The following MYRIP variants were observed in gnomAD, a reference collection of about 807,000 sequenced individuals.
MYRIP encodes rab effector MyRIP.
In MYRIP, 49 loss-of-function variants were observed where a neutral mutation model predicts 98.0. That is an observed-to-expected ratio of 0.50 (90% CI 0.40 to 0.63). MYRIP has a LOEUF of 0.63. MYRIP is among the 30% of genes least tolerant of loss of function. The probability of loss-of-function intolerance (pLI) is 0.00; values close to 1 mark genes in which losing one functional copy is unlikely to be tolerated. For missense variants in MYRIP, 1,004 were observed against 1,058.2 expected, an observed-to-expected ratio of 0.95 and a Z score of 0.71; for synonymous variants, 404 against 409.5, an observed-to-expected ratio of 0.99 and a Z score of 0.16.
intron 8 of MYRIP, among the ~76,000 whole-genome samples, chr3:40,181,373 T>C (rs1950879619): frequency 6.6e-6 from 1 of 152,278 alleles, no homozygotes; most frequent in East Asian, 1.9e-4. Flanking sequence ...CACTTTGCAC[T>C]GGGACAGAAG....
At chr3:40,199,111 A>G (rs1272701517) in intron 10 of MYRIP, among the ~76,000 whole-genome samples, 2 of 152,314 alleles carry the variant, frequency 1.3e-5, no homozygotes, top group African/African-American at 4.8e-5. Flanking sequence ...TCCTGAAGTC[A>G]TGGAAGCTCT....
chr3:39,962,505 T>C (rs1945347422), intron 2 of MYRIP, among the ~76,000 whole-genome samples: 1 of 151,732 alleles, frequency 6.6e-6, no homozygotes, highest in African/African-American at 2.4e-5. Flanking sequence ...TGAGGACCTA[T>C]AAAGTTCATT....
At chr3:39,950,133 G>A (rs1002587314) in intron 2 of MYRIP, among the ~76,000 whole-genome samples, 1 of 152,052 alleles carries the variant, frequency 6.6e-6, no homozygotes. Flanking sequence ...TTTAGGGTAT[G>A]TTTTTCAAAA....
At chr3:40,060,062 G>A (rs537339762) in intron 3 of MYRIP, among the ~76,000 whole-genome samples, 88 of 152,182 alleles carry the variant, frequency 5.8e-4, no homozygotes, top group African/African-American at 2.0e-3. Context: ...TTACCACCTT[G>A]CCCAGATATA....
chr3:40,252,964 T>C (rs1559478542), intron 16 of MYRIP, among the ~76,000 whole-genome samples: 2 of 152,234 alleles, frequency 1.3e-5, no homozygotes. Context: ...TCTTAAATTC[T>C]AATCAGTCTA....
intron 2 of MYRIP, among the ~76,000 whole-genome samples, chr3:39,989,567 G>C (rs530203985): frequency 1.7e-4 from 26 of 152,322 alleles, no homozygotes; most frequent in African/African-American, 6.0e-4. Context: ...TGCTTCACTG[G>C]GGGGAAACCC....
Position 39,934,499 on chromosome 3 carries a change from T to C in MYRIP, c.110+33573T>C, listed in dbSNP as rs75409089. ...AAACCAGCATGCTATGCAAGCAGAATCATGGCAGAACAGGCAAGAGCAACC... is the reference window on the plus strand; with the variant it reads ...AAACCAGCATGCTATGCAAGCAGAACCATGGCAGAACAGGCAAGAGCAACC... On this transcript the variant is annotated intron_variant, in intron 2 of 16. Transcript: ENST00000302541. 6.0e-3 allele frequency among the ~76,000 whole-genome samples: 913 copies of C among 152,058 alleles called. 46 individuals carry two copies. In the East Asian group the frequency reaches 0.13, roughly 21 times the overall value.
At chr3:39,819,958 A>G (rs573440562) in intron 1 of MYRIP, among the ~76,000 whole-genome samples, 1 of 152,356 alleles carries the variant, frequency 6.6e-6, no homozygotes, top group South Asian at 2.1e-4. Context: ...AAGAAAAAAC[A>G]CTGTAAGGAA....
chr3:39,945,476 C>CAAAAAAAAAAAAAAAAAAAAAA (rs67748992), intron 2 of MYRIP, among the ~76,000 whole-genome samples: 1 of 65,210 alleles, frequency 1.5e-5, no homozygotes. Flanking sequence ...GACTCCATCT[C>CAAAAAAAAAAAAAAAAAAAAAA]AAAAAAAAAA....
rs552097605 is a variant in MYRIP at position 39,932,249 on chromosome 3, A to G, written c.110+31323A>G. Among the ~76,000 whole-genome samples, 11 of 152,322 alleles carry G rather than the reference A, an allele frequency of 7.2e-5. No homozygotes were observed. The South Asian group carries it at 1.4e-3, about 20-fold the overall frequency. On this transcript the variant is annotated intron_variant, in intron 2 of 16. Coordinates refer to ENST00000302541, the MANE Select transcript of MYRIP (RefSeq NM_015460.4). Reference sequence around the variant, plus strand: ...GATGGAAAGAGCAGTAGGATCCTGTATAAGGAGGCTTGCACTAATGTTTAA... The same window carrying G: ...GATGGAAAGAGCAGTAGGATCCTGTGTAAGGAGGCTTGCACTAATGTTTAA...
At chr3:39,975,401 T>C (rs372497753) in intron 2 of MYRIP, among the ~76,000 whole-genome samples, 9,497 of 151,368 alleles carry the variant, frequency 0.063, 634 homozygotes, top group African/African-American at 0.16. Flanking sequence ...TAAAAGAGGA[T>C]ACAAACAAAT....
At chr3:40,095,344 T>C (rs1948806147) in intron 3 of MYRIP, among the ~76,000 whole-genome samples, 2 of 152,142 alleles carry the variant, frequency 1.3e-5, no homozygotes, top group Non-Finnish European at 2.9e-5. Context: ...AGTCCGCTTC[T>C]AGCTTCTGCC....
intron 1 of MYRIP, among the ~76,000 whole-genome samples, chr3:39,863,804 G>A (rs892761106): frequency 6.6e-6 from 1 of 152,070 alleles, no homozygotes; most frequent in Middle Eastern, 3.2e-3. Flanking sequence ...TATAAGGCCA[G>A]TATCATCTTG....
In MYRIP at chr3:39,999,478, C is replaced by T. The variant is rs1575452463; in HGVS notation, c.111-44572C>T. Among the ~76,000 whole-genome samples the T allele has an allele frequency of 3.3e-5, 5 of 152,248 alleles. No homozygotes were observed. In the South Asian group the frequency reaches 1.0e-3, roughly 32 times the overall value. ...TGCAAATCAAAACCACAATGAGATA[C>T]CATCTCACACCAGTTAGAATGGTGA... On this transcript the variant is annotated intron_variant, in intron 2 of 16. Coordinates refer to ENST00000302541, the MANE Select transcript of MYRIP (RefSeq NM_015460.4).
intron 1 of MYRIP, among the ~76,000 whole-genome samples, chr3:39,873,822 GC>G (rs1942886368): frequency 6.6e-6 from 1 of 152,016 alleles, no homozygotes; most frequent in African/African-American, 2.4e-5. Context: ...GGTGATGTGG[GC>G]CCTTTTTTGG....
Position 40,190,362 on chromosome 3 carries a change from C to T in MYRIP, c.1564C>T (p.Arg522Trp), listed in dbSNP as rs370580889. The T allele has an allele frequency of 2.7e-5, 44 of 1,613,814 alleles. No individual in the cohort carries two copies. Among genetic ancestry groups the T allele is most frequent in the Middle Eastern group, 1.6e-4 (1 of 6,062 alleles). The part of the protein sequence containing the change: ...EPEEAPHTTD[R>W]RARRWRRARL... Reference sequence around the variant, plus strand: ...GGAGGAGGCCCCCCACACCACAGACCGGCGGGCCAGGAGGTGGAGAAGAGC... The same window carrying T: ...GGAGGAGGCCCCCCACACCACAGACTGGCGGGCCAGGAGGTGGAGAAGAGC... Residue 522 changes from arginine to tryptophan, a missense_variant, in exon 10 of 17, where the codon CGG becomes TGG. This residue lies in a region of MYRIP where 880 missense variants were observed against 907.7 expected (regional missense o/e 0.97). Coordinates refer to ENST00000302541, the MANE Select transcript of MYRIP (RefSeq NM_015460.4).
chr3:39,922,637 C>T (rs1944331095), intron 2 of MYRIP, among the ~76,000 whole-genome samples: 1 of 152,204 alleles, frequency 6.6e-6, no homozygotes, highest in South Asian at 2.1e-4. Flanking sequence ...CAAGGAGCTC[C>T]CTCCTCAGGT....
At chr3:40,145,336 T>C (rs1949985644) in intron 3 of MYRIP, among the ~76,000 whole-genome samples, 1 of 152,196 alleles carries the variant, frequency 6.6e-6, no homozygotes, top group Non-Finnish European at 1.5e-5. Flanking sequence ...GTGATACTGA[T>C]TTTATGATGA....
chr3:39,974,530 A>G (rs914783549), intron 2 of MYRIP, among the ~76,000 whole-genome samples: 1 of 152,206 alleles, frequency 6.6e-6, no homozygotes, highest in Admixed American at 6.5e-5. Flanking sequence ...AAAAAGAGGG[A>G]ATCCTCCCTA....
Sources: gnomAD v4.1 joint callset for allele counts (sites outside exome capture counted in the v4.1 genomes callset) on GRCh38, gnomAD v4.1.1 for gene constraint, gnomAD v4.1.1 regional missense constraint, MANE v1.5 for transcripts, NCBI Gene and HGNC (gene_info 2026-07-23, HGNC 2026-07-21) for gene names.